Variants in OGT observed in about 807,000 individuals in gnomAD.
The protein encoded by OGT is O-linked N-acetylglucosamine (GlcNAc) transferase, also known as UDP-N-acetylglucosamine--peptide N-acetylglucosaminyltransferase 110 kDa subunit.
OGT carries 3 observed loss-of-function variants against 75.8 expected under a neutral mutation model. The ratio of observed to expected loss-of-function variants is 0.04; its 90% CI spans 0.02 to 0.10. OGT has a LOEUF of 0.10. Among genes scored for constraint, OGT ranks in the 10% least tolerant of loss-of-function variants. OGT has a pLI of 1.00. For synonymous variants in OGT, 257 were observed against 289.7 expected (o/e 0.89, Z 1.15); for missense variants, 260 against 824.4 (o/e 0.32, Z 8.38).
intron 19 of OGT, among the ~76,000 whole-genome samples, chrX:71,565,736 T>A (rs991318486): frequency 1.8e-5 from 2 of 112,628 alleles, no homozygotes; most frequent in Non-Finnish European, 3.7e-5. Flanking sequence ...TCTACTCAGC[T>A]TTGCCGTTGT....
chrX:71,563,665 GTC>G (rs1183068053), intron 18 of OGT, among the ~76,000 whole-genome samples, 166 bp downstream of exon 18: 2 of 112,178 alleles, frequency 1.8e-5, no homozygotes, highest in East Asian at 5.6e-4. Context: ...GATTTTAAAA[GTC>G]TCCTGGATTC....
At chrX:71,570,543 C>T (rs2040451026) in intron 21 of OGT, among the ~76,000 whole-genome samples, 1 of 111,487 alleles carries the variant, frequency 9.0e-6, no homozygotes, top group South Asian at 3.7e-4. Context: ...TCTTCTTCTG[C>T]AAAATGGAGC....
intron 3 of OGT, among the ~76,000 whole-genome samples, chrX:71,540,042 T>C (rs1569424270): frequency 8.9e-6 from 1 of 112,630 alleles, no homozygotes; most frequent in Non-Finnish European, 1.9e-5. Flanking sequence ...AGTGAGATAG[T>C]ACTAAAATAA....
Position 71,574,573 on chromosome X carries a change from A to AT in OGT, c.*784dup, listed in dbSNP as rs1171733375. The stretch of plus-strand genomic sequence containing the variant: ...ACACACCATCTGGTGCCAAATGAAG[A>AT]TTTTTAGGAGTGATTACTAATTATC... On this transcript the variant is annotated 3_prime_UTR_variant, in exon 22 of 22. Transcript: ENST00000373719. 9.0e-6 allele frequency: 1 copy of AT among 110,705 alleles called. No homozygotes were observed. The highest frequency in any genetic ancestry group is 3.3e-5 in the African/African-American group (1 of 30,343). 9.1% of individuals were successfully genotyped at this position (110,705 alleles called of 1,213,427 possible).
intron 14 of OGT, 45 bp downstream of exon 14, chrX:71,559,722 T>C: frequency 1.0e-6 from 1 of 979,394 alleles, no homozygotes; most frequent in Non-Finnish European, 1.4e-6. Context: ...TGAGCAAGTT[T>C]AAATAAAACT....
chrX:71,546,844 G>A lies in OGT; in HGVS notation c.532-1063G>A, dbSNP rs1237151315. 5.3e-6 allele frequency: 4 copies of A among 753,966 alleles called. No homozygotes were observed. In the Admixed American group the frequency reaches 3.4e-4, roughly 65 times the overall value. 62.1% of individuals were successfully genotyped at this position (753,966 alleles called of 1,213,427 possible). ...GCATTGCGTGCGAATGAACCCCTGT[G>A]AACGGTTGACTAGATGAGTAATCTG... On this transcript the variant is annotated intron_variant, in intron 4 of 21. Coordinates refer to ENST00000373719, the MANE Select transcript of OGT (RefSeq NM_181672.3).
intron 5 of OGT, among the ~76,000 whole-genome samples, chrX:71,550,895 G>T (rs757429340): frequency 9.0e-6 from 1 of 110,766 alleles, no homozygotes; most frequent in Non-Finnish European, 1.9e-5. Flanking sequence ...GTGAGGCTTG[G>T]GGGGGTGGAG....
At position 71,559,574 on chromosome X, in the gene OGT, G is replaced by A. The variant is rs1028480490; in HGVS notation, c.1762-14G>A. 1 of 1,198,573 alleles carries A rather than the reference G, an allele frequency of 8.3e-7. No homozygotes were observed. The highest frequency in any genetic ancestry group is 1.1e-6 in the Non-Finnish European group (1 of 885,499). Reference sequence around the variant, plus strand: ...GAGCCAATGTTATTAAATATGCCATGTGCTGCCTTTCAGGTGTTCTGTTAT... The same window carrying A: ...GAGCCAATGTTATTAAATATGCCATATGCTGCCTTTCAGGTGTTCTGTTAT... On this transcript the variant is annotated splice_polypyrimidine_tract_variant and intron_variant, in intron 13 of 21. Transcript: ENST00000373719.
chrX:71,570,850 A>G lies in OGT; in HGVS notation c.2966+2734A>G, dbSNP rs753011300. Among the ~76,000 whole-genome samples, 4 of 111,039 alleles carry G rather than the reference A, an allele frequency of 3.6e-5. No individual in the cohort carries two copies. In the East Asian group the frequency reaches 1.1e-3, roughly 31 times the overall value. On this transcript the variant is annotated intron_variant, in intron 21 of 21. Transcript: ENST00000373719. ...ACTCTGTTAACTCAGGCTGGAGTGC[A>G]GTGGCATGATCACGGCTCACTGCAA...
intron 2 of OGT, chrX:71,536,898 A>G (rs1325478414): frequency 5.8e-6 from 1 of 172,267 alleles, no homozygotes; most frequent in Non-Finnish European, 1.1e-5. Context: ...TTAAATGGAA[A>G]ATGAGACTCG....
intron 4 of OGT, chrX:71,547,464 C>T: frequency 1.3e-6 from 1 of 755,169 alleles, no homozygotes; most frequent in Non-Finnish European, 1.6e-6. Context: ...TCAGCCATAC[C>T]TCTTAACACC....
chrX:71,533,332 C>T lies in OGT; in HGVS notation c.33C>T (p.Ser11=). ...CTTCCGTGGGCAACGTGGCCGACAG[C>T]ACAGGTACCGGTGTCCCGTTCTACC... MASSVGNVAD[S]TEPTKRMLSF... Residue 11 remains serine, a synonymous_variant, in exon 1 of 22, where the codon AGC becomes AGT. Transcript: ENST00000373719. The T allele has an allele frequency of 8.4e-7, 1 of 1,196,953 alleles. No individual in the cohort carries two copies. The highest frequency in any genetic ancestry group is 1.1e-6 in the Non-Finnish European group (1 of 887,658).
At position 71,556,945 on chromosome X, in the gene OGT, CT is replaced by C. The variant is rs200680783; in HGVS notation, c.1167-3del. The C allele has an allele frequency of 4.4e-3, 5,326 of 1,201,919 alleles. 14 individuals carry two copies. The highest frequency in any genetic ancestry group is 0.02 in the Middle Eastern group (87 of 4,327). ...TGGAGAAATAAAACCTTTGGCTTCT[CT>C]TTTAGAATCAGTCCTACCTTTGCTG... On this transcript the variant is annotated splice_region_variant and splice_polypyrimidine_tract_variant and intron_variant, in intron 9 of 21. Transcript: ENST00000373719.
At chrX:71,570,032 C>T (rs77311200) in intron 21 of OGT, among the ~76,000 whole-genome samples, 1 of 52,393 alleles carries the variant, frequency 1.9e-5, no homozygotes, top group African/African-American at 8.3e-5. Flanking sequence ...CTGTGCCTGG[C>T]GTTTTTTTTT....
intron 5 of OGT, 42 bp downstream of exon 5, chrX:71,548,065 C>T (rs370950464): frequency 4.2e-5 from 49 of 1,158,249 alleles, no homozygotes; most frequent in South Asian, 1.5e-4. Context: ...GAAGTGCTTA[C>T]GCATGTAGTG....
rs2040480603 is a variant in OGT, at chrX:71,574,507, A to ACAAAAT, written c.*717_*722dup. 9.0e-6 allele frequency: 1 copy of ACAAAAT among 111,530 alleles called. No homozygotes were observed. The highest frequency in any genetic ancestry group is 1.9e-5 in the Non-Finnish European group (1 of 53,057). 9.2% of individuals were successfully genotyped at this position (111,530 alleles called of 1,213,427 possible). On this transcript the variant is annotated 3_prime_UTR_variant, in exon 22 of 22. Coordinates refer to ENST00000373719, the MANE Select transcript of OGT (RefSeq NM_181672.3). ...TTAAAATTCTCCTGTAACTCAACTA[A>ACAAAAT]CAAAATCAAGCCTGATTCAAAACAT...
At chrX:71,564,487 A>G in intron 18 of OGT, 114 bp from the exon 19 acceptor site, 3 of 591,971 alleles carry the variant, frequency 5.1e-6, no homozygotes, top group Non-Finnish European at 7.9e-6. Flanking sequence ...TATATCATGA[A>G]TATTTTCTCA....
chrX:71,567,087 GA>G (rs1426424122), intron 19 of OGT, among the ~76,000 whole-genome samples: 1 of 112,580 alleles, frequency 8.9e-6, no homozygotes, highest in African/African-American at 3.2e-5. Context: ...TGTGGCCACA[GA>G]ACCAAAAATA....
rs754180377 is a variant in OGT, at chrX:71,537,844, C to T, written c.234C>T (p.Ser78=). The change falls in exon 3 of 22, where the codon AGC becomes AGT. Residue 78 remains serine, a synonymous_variant. Coordinates refer to ENST00000373719, the MANE Select transcript of OGT (RefSeq NM_181672.3). ...CCTTTTCCAGATCTGCTCACTTTAG[C>T]ACTCTGGCAATTAAACAGAACCCCC... ...CRRLDRSAHF[S]TLAIKQNPLL... The T allele has an allele frequency of 8.3e-7, 1 of 1,211,723 alleles. No homozygotes were observed. Among genetic ancestry groups the T allele is most frequent in the East Asian group, 3.0e-5 (1 of 33,882 alleles).
Sources: allele counts gnomAD v4.1 joint callset (sites outside exome capture counted in the v4.1 genomes callset), GRCh38; gene constraint gnomAD v4.1.1; transcripts MANE v1.5; gene names NCBI Gene and HGNC (gene_info 2026-07-23, HGNC 2026-07-21).